Variants in DSCAM observed in about 807,000 individuals in gnomAD.
The protein encoded by DSCAM is DS cell adhesion molecule.
Under a neutral mutation model 217.7 loss-of-function variants are expected in DSCAM, and 47 were observed. The ratio of observed to expected loss-of-function variants is 0.22; its 90% CI spans 0.17 to 0.28. The LOEUF (loss-of-function observed/expected upper bound fraction) is 0.28, where lower values mean the gene tolerates loss of function less well. DSCAM is among the 10% of genes least tolerant of loss of function. The pLI is 1.00. For missense variants in DSCAM, 2,080 were observed against 2,618.3 expected, an observed-to-expected ratio of 0.79 and a Z score of 4.49; for synonymous variants, 1,056 against 1,015.3, an observed-to-expected ratio of 1.04 and a Z score of -0.76.
At chr21:40,234,279 G>A (rs998105413) in intron 11 of DSCAM, among the ~76,000 whole-genome samples, 6 of 152,218 alleles carry the variant, frequency 3.9e-5, no homozygotes, top group Admixed American at 2.6e-4. Flanking sequence ...AAGTCAACTC[G>A]TCTCTGGTAC....
intron 11 of DSCAM, among the ~76,000 whole-genome samples, chr21:40,242,018 G>T (rs6517585): frequency 0.56 from 84,543 of 151,780 alleles, 25,043 homozygotes; most frequent in African/African-American, 0.77. Flanking sequence ...TGGGAGGAGG[G>T]AAAGGAGCAG....
intron 3 of DSCAM, among the ~76,000 whole-genome samples, chr21:40,589,144 TG>T (rs34827954): frequency 0.79 from 120,386 of 152,188 alleles, 47,787 homozygotes; most frequent in African/African-American, 0.84. Context: ...TTTTTTCTCA[TG>T]GGGAATAATC....
intron 2 of DSCAM, among the ~76,000 whole-genome samples, chr21:40,700,036 T>TA (rs1330720504): frequency 6.6e-6 from 1 of 152,220 alleles, no homozygotes; most frequent in Non-Finnish European, 1.5e-5. Flanking sequence ...TGATTCTTGT[T>TA]AAGGGTTAAT....
intron 3 of DSCAM, among the ~76,000 whole-genome samples, chr21:40,609,404 T>A (rs138130436): frequency 6.6e-6 from 1 of 152,232 alleles, no homozygotes. Context: ...TGGAGCAAGA[T>A]AGAACACCTG....
At chr21:40,608,304 T>C (rs1034662478) in intron 3 of DSCAM, among the ~76,000 whole-genome samples, 1 of 152,186 alleles carries the variant, frequency 6.6e-6, no homozygotes, top group Non-Finnish European at 1.5e-5. Context: ...TGAAAATATA[T>C]TTGAAACTGC....
At chr21:40,436,137 A>G (rs1375024048) in intron 3 of DSCAM, among the ~76,000 whole-genome samples, 1 of 152,244 alleles carries the variant, frequency 6.6e-6, no homozygotes, top group Admixed American at 6.5e-5. Context: ...TGAGTTTATC[A>G]GGACATAACC....
At chr21:40,053,347 G>A (rs1189266452) in intron 29 of DSCAM, among the ~76,000 whole-genome samples, 1 of 152,144 alleles carries the variant, frequency 6.6e-6, no homozygotes, top group Non-Finnish European at 1.5e-5. Flanking sequence ...GCGGTCACTC[G>A]ACTCCTCAAA....
chr21:40,014,206 C>T (rs1417591024), intron 32 of DSCAM, among the ~76,000 whole-genome samples: 1 of 152,138 alleles, frequency 6.6e-6, no homozygotes, highest in Non-Finnish European at 1.5e-5. Context: ...GCCAGGCCAA[C>T]ATGGCAAAAC....
chr21:40,168,094 C>A (rs2090617177), intron 15 of DSCAM, among the ~76,000 whole-genome samples: 1 of 152,088 alleles, frequency 6.6e-6, no homozygotes. Flanking sequence ...ACAAAAAAAC[C>A]CTTGTGAACC....
At chr21:40,257,341 T>C (rs2073386137) in intron 11 of DSCAM, among the ~76,000 whole-genome samples, 1 of 152,178 alleles carries the variant, frequency 6.6e-6, no homozygotes, top group African/African-American at 2.4e-5. Context: ...TATTGTACTG[T>C]GTTATATTTG....
intron 11 of DSCAM, among the ~76,000 whole-genome samples, chr21:40,238,912 C>A (rs1460881831): frequency 1.3e-5 from 2 of 152,124 alleles, no homozygotes; most frequent in Non-Finnish European, 2.9e-5. Context: ...AGGTGATGAT[C>A]CTGCTTCTCT....
intron 3 of DSCAM, among the ~76,000 whole-genome samples, chr21:40,377,873 TTGAG>T (rs1196284670): frequency 6.6e-6 from 1 of 152,192 alleles, no homozygotes; most frequent in Non-Finnish European, 1.5e-5. Context: ...TGCCATAGCC[TTGAG>T]TACATATACA....
At chr21:40,795,750 G>T (rs986328546) in intron 1 of DSCAM, among the ~76,000 whole-genome samples, 4 of 152,320 alleles carry the variant, frequency 2.6e-5, no homozygotes, top group Non-Finnish European at 5.9e-5. Flanking sequence ...TGGCCAGGAA[G>T]AAGTCAATCG....
At chr21:40,846,104 G>A (rs2092142867) in intron 1 of DSCAM, among the ~76,000 whole-genome samples, 1 of 151,966 alleles carries the variant, frequency 6.6e-6, no homozygotes, top group African/African-American at 2.4e-5. Flanking sequence ...GGGGTGCATA[G>A]AAGGACAGAA....
chr21:40,253,409 G>A (rs1230568252), intron 11 of DSCAM, among the ~76,000 whole-genome samples: 2 of 152,292 alleles, frequency 1.3e-5, no homozygotes, highest in Admixed American at 1.3e-4. Context: ...ACCTCTTGGA[G>A]TTTTCAGAGT....
chr21:40,348,640 C>T (rs201762413), intron 5 of DSCAM, among the ~76,000 whole-genome samples: 1 of 152,072 alleles, frequency 6.6e-6, no homozygotes, highest in East Asian at 1.9e-4. Flanking sequence ...TCATACTCCA[C>T]ACAGTTCCTA....
chr21:40,561,386 A>G (rs147553803), intron 3 of DSCAM, among the ~76,000 whole-genome samples: 208 of 152,352 alleles, frequency 1.4e-3, no homozygotes, highest in Middle Eastern at 0.01. Flanking sequence ...TATGCTGACT[A>G]CACGTCGTTC....
chr21:40,305,279 A>T (rs915307203), intron 9 of DSCAM, among the ~76,000 whole-genome samples: 2 of 151,772 alleles, frequency 1.3e-5, no homozygotes, highest in African/African-American at 4.8e-5. Flanking sequence ...AATCCAAGCT[A>T]CTCAGGAAGC....
At chr21:40,795,145 G>A (rs2091680603) in intron 1 of DSCAM, among the ~76,000 whole-genome samples, 1 of 151,970 alleles carries the variant, frequency 6.6e-6, no homozygotes, top group African/African-American at 2.4e-5. Context: ...CCAGTTGAAT[G>A]CACTACCTCC....
Sources: allele counts gnomAD v4.1 joint callset (sites outside exome capture counted in the v4.1 genomes callset), GRCh38; gene constraint gnomAD v4.1.1; transcripts MANE v1.5; gene names NCBI Gene and HGNC (gene_info 2026-07-23, HGNC 2026-07-21).